The following FAM135B variants were observed in gnomAD, a reference collection of about 807,000 sequenced individuals.
FAM135B encodes the protein protein FAM135B.
FAM135B carries 43 observed loss-of-function variants against 127.7 expected under a neutral mutation model. That is an observed-to-expected ratio of 0.34 (90% CI 0.26 to 0.43). The LOEUF (loss-of-function observed/expected upper bound fraction) is 0.43, where lower values mean the gene tolerates loss of function less well. Among genes scored for constraint, FAM135B ranks in the 20% least tolerant of loss-of-function variants. The pLI, the probability that FAM135B is intolerant of heterozygous loss-of-function variation, is 1.00. For synonymous variants in FAM135B, 670 were observed against 665.1 expected, an observed-to-expected ratio of 1.01 and a Z score of -0.11; for missense variants, 1,558 against 1,725.6, an observed-to-expected ratio of 0.90 and a Z score of 1.72.
chr8:138,189,894 G>A (rs1209019672), intron 9 of FAM135B, among the ~76,000 whole-genome samples: 1 of 152,204 alleles, frequency 6.6e-6, no homozygotes, highest in African/African-American at 2.4e-5. Flanking sequence ...GAGAACAATT[G>A]TTTTGAGACA....
intron 4 of FAM135B, among the ~76,000 whole-genome samples, chr8:138,265,359 C>T (rs1271010687): frequency 6.6e-6 from 1 of 152,134 alleles, no homozygotes; most frequent in African/African-American, 2.4e-5. Context: ...CCACATAGAG[C>T]CCTGCAAAAA....
chr8:138,430,589 T>C (rs1835142623), intron 1 of FAM135B, among the ~76,000 whole-genome samples: 1 of 152,106 alleles, frequency 6.6e-6, no homozygotes, highest in African/African-American at 2.4e-5. Context: ...GTGGAAGTTG[T>C]GAATCTCCTA....
intron 3 of FAM135B, among the ~76,000 whole-genome samples, chr8:138,274,126 T>C (rs1823618616): frequency 6.6e-6 from 1 of 152,232 alleles, no homozygotes; most frequent in South Asian, 2.1e-4. Context: ...TGTCATTAAA[T>C]TCCTCTTTTC....
chr8:138,310,689 T>C (rs543130291), intron 3 of FAM135B, 152 bp downstream of exon 3: 3 of 615,626 alleles, frequency 4.9e-6, no homozygotes, highest in African/African-American at 3.7e-5. Flanking sequence ...CCTCCAACTG[T>C]TGGTTTCCAT....
chr8:138,326,862 A>T (rs544428796), intron 2 of FAM135B, among the ~76,000 whole-genome samples: 2 of 152,294 alleles, frequency 1.3e-5, no homozygotes, highest in Admixed American at 1.3e-4. Flanking sequence ...ACAGTGTAGG[A>T]GACACAGTAA....
rs1029282461 is a variant in FAM135B at position 138,397,538 on chromosome 8, C to T, written c.-19-29536G>A. On this transcript the variant is annotated intron_variant, in intron 1 of 19. Transcript: ENST00000395297. ...GTTAAATTTCATCTCTAATAGCATA[C>T]GTACTTGTAGTATGTTATGCACACA... 5.3e-5 allele frequency among the ~76,000 whole-genome samples: 8 copies of T among 152,180 alleles called. No individual in the cohort carries two copies. The East Asian group carries it at 7.7e-4, about 15-fold the overall frequency.
intron 1 of FAM135B, among the ~76,000 whole-genome samples, chr8:138,386,197 C>G (rs1037663650): frequency 6.8e-6 from 1 of 147,566 alleles, no homozygotes; most frequent in Non-Finnish European, 1.5e-5. Context: ...GCCTGAGCAA[C>G]AAGAGGGAAA....
rs1280825059 is a variant in FAM135B at position 138,132,853 on chromosome 8, T to C, written c.4016-55A>G. The C allele has an allele frequency of 6.6e-7, 1 of 1,518,926 alleles. No individual in the cohort carries two copies. The highest frequency in any genetic ancestry group is 9.1e-7 in the Non-Finnish European group (1 of 1,095,034). The allele number at this position is 1,518,926 out of a possible 1,614,324, so 94.1% of individuals were successfully genotyped here. ...TGGTGCAGAAATTAGCAGTGGAATC[T>C]AGAGAACATCACTAGATGTGTGTCG... On this transcript the variant is annotated intron_variant, in intron 19 of 19. Coordinates refer to ENST00000395297, the MANE Select transcript of FAM135B (RefSeq NM_015912.4). This position sits in a 1 kb window ranked among gnomAD's most constrained non-coding sequence, Gnocchi z 4.5.
chr8:138,318,778 T>C (rs1827254387), intron 2 of FAM135B, among the ~76,000 whole-genome samples: 2 of 152,234 alleles, frequency 1.3e-5, no homozygotes, highest in Non-Finnish European at 1.5e-5. Flanking sequence ...CTTAATTATA[T>C]TGAACTTCAG....
intron 1 of FAM135B, chr8:138,436,856 G>A (rs1436083179): frequency 6.6e-6 from 1 of 152,180 alleles, no homozygotes; most frequent in African/African-American, 2.4e-5. Context: ...GCCACATAGA[G>A]CTGTTGTAGA....
At chr8:138,440,581 C>T (rs1286620413) in intron 1 of FAM135B, 1 of 152,030 alleles carries the variant, frequency 6.6e-6, no homozygotes, top group East Asian at 1.9e-4. Context: ...ATCATCATTG[C>T]TATCATTACA....
chr8:138,206,217 C>T (rs1586769147), intron 7 of FAM135B, among the ~76,000 whole-genome samples: 1 of 146,396 alleles, frequency 6.8e-6, no homozygotes. Context: ...CTCTCTCATC[C>T]CCTCCACCTA....
chr8:138,254,490 T>A (rs1021574551), intron 5 of FAM135B, among the ~76,000 whole-genome samples: 1 of 152,140 alleles, frequency 6.6e-6, no homozygotes, highest in Non-Finnish European at 1.5e-5. Context: ...CGGGGTGGGT[T>A]AATGGAGGCG....
chr8:138,368,278 G>C (rs895349853), intron 1 of FAM135B, among the ~76,000 whole-genome samples: 2 of 152,154 alleles, frequency 1.3e-5, no homozygotes, highest in Non-Finnish European at 2.9e-5. Context: ...CTATCTGTCA[G>C]TACCATGGAG....
intron 10 of FAM135B, 81 bp downstream of exon 10, chr8:138,178,454 G>T (rs1455248927): frequency 3.5e-5 from 54 of 1,530,400 alleles, no homozygotes; most frequent in Non-Finnish European, 8.1e-6. Flanking sequence ...CAATCCTAAT[G>T]CTTGATCTAA....
chr8:138,364,175 C>T (rs1403305014), intron 2 of FAM135B, among the ~76,000 whole-genome samples: 3 of 152,148 alleles, frequency 2.0e-5, no homozygotes, highest in Non-Finnish European at 4.4e-5. Flanking sequence ...AGTAATTACA[C>T]TTCATTTTAA....
At chr8:138,400,199 C>T (rs1333134770) in intron 1 of FAM135B, among the ~76,000 whole-genome samples, 1 of 152,122 alleles carries the variant, frequency 6.6e-6, no homozygotes, top group African/African-American at 2.4e-5. Flanking sequence ...GGGAGCCTGG[C>T]TAATGCTGAA....
chr8:138,392,481 T>C (rs1832632162), intron 1 of FAM135B, among the ~76,000 whole-genome samples: 2 of 152,228 alleles, frequency 1.3e-5, no homozygotes, highest in African/African-American at 2.4e-5. Context: ...AAGTCCTTTC[T>C]GGAGCTTGGA....
chr8:138,395,332 C>T (rs377729559), intron 1 of FAM135B, among the ~76,000 whole-genome samples: 17 of 152,188 alleles, frequency 1.1e-4, no homozygotes, highest in African/African-American at 1.7e-4. Context: ...GGCTGGGAGA[C>T]GCCGCACCTG....
Sources: allele counts gnomAD v4.1 joint callset (sites outside exome capture counted in the v4.1 genomes callset), GRCh38; gene constraint gnomAD v4.1.1; non-coding constraint Gnocchi (gnomAD v3.1); transcripts MANE v1.5; gene names NCBI Gene and HGNC (gene_info 2026-07-23, HGNC 2026-07-21).